Variants in RARB observed in about 807,000 individuals in gnomAD.
The protein encoded by RARB is HBV-activated protein.
In RARB, 17 loss-of-function variants were observed where a neutral mutation model predicts 51.9. That is an observed-to-expected ratio of 0.33 (90% CI 0.22 to 0.49). The LOEUF is 0.49. Among genes scored for constraint, RARB ranks in the 20% least tolerant of loss-of-function variants. RARB has a pLI of 0.99. For missense variants in RARB, 369 were observed against 550.8 expected, an observed-to-expected ratio of 0.67 and a Z score of 3.30; for synonymous variants, 215 against 195.4, an observed-to-expected ratio of 1.10 and a Z score of -0.84.
At chr3:25,345,986 C>T (rs1165637528) in intron 5 of RARB, 38 of 624,338 alleles carry the variant, frequency 6.1e-5, no homozygotes, top group Non-Finnish European at 7.2e-5. Context: ...GGGCTGGCTC[C>T]GATGAGTAGT....
At chr3:25,258,713 C>T (rs1233119005) in intron 5 of RARB, among the ~76,000 whole-genome samples, 1 of 152,110 alleles carries the variant, frequency 6.6e-6, no homozygotes, top group Non-Finnish European at 1.5e-5. Flanking sequence ...TGAGCAGCTG[C>T]ATCTCCTGGC....
chr3:24,916,822 A>G (rs1358021440), intron 2 of RARB, among the ~76,000 whole-genome samples: 1 of 151,822 alleles, frequency 6.6e-6, no homozygotes, highest in Admixed American at 6.6e-5. Context: ...AACACCCCAA[A>G]ATGGGAAACA....
chr3:25,056,323 A>G (rs1698441802), intron 2 of RARB, among the ~76,000 whole-genome samples: 1 of 152,166 alleles, frequency 6.6e-6, no homozygotes, highest in Admixed American at 6.5e-5. Context: ...CTGGAAAGCC[A>G]CAGAGATTCC....
chr3:24,995,355 T>C (rs1458755136), intron 2 of RARB, among the ~76,000 whole-genome samples: 1 of 151,798 alleles, frequency 6.6e-6, no homozygotes, highest in Non-Finnish European at 1.5e-5. Flanking sequence ...ACTTCATCAG[T>C]TCTAAGAGTT....
chr3:25,043,699 A>AT (rs1559445385), intron 2 of RARB, among the ~76,000 whole-genome samples: 1 of 152,218 alleles, frequency 6.6e-6, no homozygotes, highest in African/African-American at 2.4e-5. Flanking sequence ...GTAGCATATT[A>AT]AACATTATAA....
intron 5 of RARB, among the ~76,000 whole-genome samples, chr3:25,233,779 T>C (rs1212021534): frequency 6.6e-6 from 1 of 150,728 alleles, no homozygotes; most frequent in Non-Finnish European, 1.5e-5. Flanking sequence ...TTTTTTTTTT[T>C]AATCATGAAT....
In RARB at chr3:25,065,212, C is replaced by G. The variant is rs201675202; in HGVS notation, c.-328+5036C>G. Among the ~76,000 whole-genome samples the G allele has an allele frequency of 2.2e-4, 34 of 151,624 alleles. No homozygotes were observed. In the East Asian group the frequency reaches 5.8e-3, roughly 26 times the overall value. On this transcript the variant is annotated intron_variant, in intron 3 of 11. Coordinates refer to the RARB transcript ENST00000383772. The stretch of plus-strand genomic sequence containing the variant: ...TTATTTTAGTTATTAAAACTCCTTG[C>G]GAACAACCTGAGATTCTCCTGTTTT...
intron 3 of RARB, among the ~76,000 whole-genome samples, chr3:25,554,123 G>A (rs1005492019): frequency 7.9e-5 from 12 of 151,194 alleles, no homozygotes; most frequent in Non-Finnish European, 1.5e-4. Context: ...TGGTTAGGGT[G>A]GGGGAGGGGA....
At chr3:25,213,546 G>A (rs1053817898) in intron 5 of RARB, among the ~76,000 whole-genome samples, 1 of 152,152 alleles carries the variant, frequency 6.6e-6, no homozygotes, top group Non-Finnish European at 1.5e-5. Context: ...GTCTTTTGGT[G>A]ACCACGTGCA....
intron 2 of RARB, among the ~76,000 whole-genome samples, chr3:24,902,496 A>G (rs1233005667): frequency 6.6e-6 from 1 of 152,108 alleles, no homozygotes; most frequent in Non-Finnish European, 1.5e-5. Context: ...TAAGGTTTAG[A>G]CATGTTCTGT....
At chr3:25,233,524 T>G (rs1371598106) in intron 5 of RARB, among the ~76,000 whole-genome samples, 1 of 152,140 alleles carries the variant, frequency 6.6e-6, no homozygotes, top group Non-Finnish European at 1.5e-5. Context: ...CTAATCTGTA[T>G]GTCTTTTATT....
chr3:24,869,895 A>G (rs1702915819), intron 2 of RARB, among the ~76,000 whole-genome samples: 1 of 152,072 alleles, frequency 6.6e-6, no homozygotes, highest in South Asian at 2.1e-4. Context: ...CAGTTGTTTT[A>G]TACGTTCATC....
intron 2 of RARB, among the ~76,000 whole-genome samples, chr3:24,883,001 T>A (rs1315742299): frequency 3.3e-5 from 5 of 152,074 alleles, no homozygotes; most frequent in Non-Finnish European, 7.4e-5. Context: ...TGCCTCAAAC[T>A]GCGTGCAGCA....
At chr3:25,201,122 G>A (rs1701378793) in intron 5 of RARB, among the ~76,000 whole-genome samples, 1 of 151,786 alleles carries the variant, frequency 6.6e-6, no homozygotes, top group African/African-American at 2.4e-5. Flanking sequence ...GTCGTTTGTA[G>A]TTCTCCTTGA....
chr3:25,101,917 T>G (rs1323552934), intron 3 of RARB, among the ~76,000 whole-genome samples: 1 of 152,090 alleles, frequency 6.6e-6, no homozygotes, highest in African/African-American at 2.4e-5. Flanking sequence ...TTGTTTTGAT[T>G]TGTAACTCTT....
chr3:25,002,979 T>C (rs1285231408), intron 2 of RARB, among the ~76,000 whole-genome samples: 1 of 152,144 alleles, frequency 6.6e-6, no homozygotes, highest in Admixed American at 6.6e-5. Context: ...TCTTCATACC[T>C]AAAGTAATTG....
chr3:24,993,519 G>A (rs1212389440), intron 2 of RARB, among the ~76,000 whole-genome samples: 3 of 151,992 alleles, frequency 2.0e-5, no homozygotes, highest in South Asian at 2.1e-4. Flanking sequence ...TATTGACTAT[G>A]TTGGGAACAT....
chr3:25,110,666 G>T (rs1389275129), intron 3 of RARB, among the ~76,000 whole-genome samples: 1 of 152,160 alleles, frequency 6.6e-6, no homozygotes, highest in African/African-American at 2.4e-5. Context: ...TATTTCAGGA[G>T]AGAAATGATT....
At chr3:25,148,977 G>C (rs1700239190) in intron 4 of RARB, among the ~76,000 whole-genome samples, 1 of 152,056 alleles carries the variant, frequency 6.6e-6, no homozygotes, top group Non-Finnish European at 1.5e-5. Context: ...CTGAGCAGTA[G>C]AAAAATATGA....
Sources: allele counts gnomAD v4.1 joint callset (sites outside exome capture counted in the v4.1 genomes callset), GRCh38; gene constraint gnomAD v4.1.1; transcripts MANE v1.5; gene names NCBI Gene and HGNC (gene_info 2026-07-23, HGNC 2026-07-21).